The following RAPGEF3 variants were observed in gnomAD, a reference collection of about 807,000 sequenced individuals.
The protein encoded by RAPGEF3 is Rap guanine nucleotide exchange factor 3, also known as 9330170P05Rik.
In RAPGEF3, 103 loss-of-function variants were observed where a neutral mutation model predicts 129.8. That is an observed-to-expected ratio of 0.79 (90% CI 0.68 to 0.93). The LOEUF (loss-of-function observed/expected upper bound fraction) is 0.93, where lower values mean the gene tolerates loss of function less well. RAPGEF3 is among the 40% of genes least tolerant of loss of function. RAPGEF3 has a pLI of 0.00. For missense variants in RAPGEF3, 1,117 were observed against 1,207.4 expected (o/e 0.93, Z 1.11); for synonymous variants, 436 against 482.6 (o/e 0.90, Z 1.26).
chr12:47,748,078 G>C lies in RAPGEF3; in HGVS notation c.1318C>G (p.His440Asp). 6.3e-7 allele frequency: 1 copy of C among 1,581,998 alleles called. No individual in the cohort carries two copies. The highest frequency in any genetic ancestry group is 1.3e-5 in the African/African-American group (1 of 74,472). The change falls in exon 13 of 28, where the codon CAC becomes GAC. Residue 440 changes from histidine (H) to aspartate (D), a missense_variant. Around this residue, in one of 3 missense-constraint regions of RAPGEF3, gnomAD observed 643 missense variants for 673.4 expected, o/e 0.95. Coordinates refer to ENST00000449771, the MANE Select transcript of RAPGEF3 (RefSeq NM_001098531.4). ...CCCCTGGAGCTGGAAGGATATTGGT[G>C]CAGAAGGGCAGCGCAGAGTTGGGCG... Reference protein sequence around the residue: ...PSAQLCAALLHHFHVEPAGGS... With the variant: ...PSAQLCAALLDHFHVEPAGGS...
rs2016123 is a variant in RAPGEF3, at chr12:47,751,142, T to G, written c.577A>C (p.Arg193=). The G allele has an allele frequency of 2.6e-6, 4 of 1,567,224 alleles. No homozygotes were observed. Among genetic ancestry groups the G allele is most frequent in the Non-Finnish European group, 3.5e-6 (4 of 1,156,186 alleles). ...RFPGPEPEPV[R]THEMEEELAE... ...AACTCCTCCTCCATCTCATGAGTTC[T>G]CACGGGCTCGGGCTCGGGCCCGGGG... Residue 193 remains arginine, a synonymous_variant, in exon 6 of 28, where the codon AGA becomes CGA. Coordinates refer to ENST00000449771, the MANE Select transcript of RAPGEF3 (RefSeq NM_001098531.4).
chr12:47,748,354 C>T, intron 12 of RAPGEF3, 100 bp downstream of exon 12: 1 of 1,186,902 alleles, frequency 8.4e-7, no homozygotes, highest in Admixed American at 2.0e-5. Context: ...CAGACCAATC[C>T]AGCATTCGGT....
At position 47,738,105 on chromosome 12, in the gene RAPGEF3, G is replaced by T. The variant is rs778800156; in HGVS notation, c.2582-12C>A. 6.2e-7 allele frequency: 1 copy of T among 1,614,060 alleles called. No homozygotes were observed. Among genetic ancestry groups the T allele is most frequent in the Non-Finnish European group, 8.5e-7 (1 of 1,180,008 alleles). On this transcript the variant is annotated splice_polypyrimidine_tract_variant and intron_variant, in intron 26 of 27. Coordinates refer to ENST00000449771, the MANE Select transcript of RAPGEF3 (RefSeq NM_001098531.4). ...TGGTGAGAGAGGCACTGCGGGGGTG[G>T]GGAGGGGTCATGGAGTCAGGGCCAC...
At chr12:47,753,251 C>T (rs752631913) in intron 2 of RAPGEF3, among the ~76,000 whole-genome samples, 3 of 152,206 alleles carry the variant, frequency 2.0e-5, no homozygotes, top group Non-Finnish European at 2.9e-5. Flanking sequence ...GCGCATACTT[C>T]GGACAGCCAG....
chr12:47,758,117 G>T, intron 1 of RAPGEF3, 39 bp from the exon 2 acceptor site: 1 of 1,535,528 alleles, frequency 6.5e-7, no homozygotes, highest in Non-Finnish European at 8.8e-7. Flanking sequence ...CATGGGACAC[G>T]ACTGGGGCGG....
intron 23 of RAPGEF3, chr12:47,739,710 C>T (rs1236030644): frequency 3.3e-5 from 12 of 364,628 alleles, no homozygotes; most frequent in East Asian, 2.6e-4. Context: ...ACTCTATCCT[C>T]GCCTCTTCTA....
At position 47,746,799 on chromosome 12, in the gene RAPGEF3, G is replaced by T. The variant is rs80273501; in HGVS notation, c.1596+61C>A. ...CCACAGAGCCCCTCAGGGTCAGGGG[G>T]CGAAGGAGGGGCCTGCAGTCCAGGA... On this transcript the variant is annotated intron_variant, in intron 16 of 27. Transcript: ENST00000449771. The T allele has an allele frequency of 1.3e-3, 1,929 of 1,512,238 alleles. 17 individuals carry two copies. The African/African-American group carries it at 0.024, about 19-fold the overall frequency. The allele number at this position is 1,512,238 out of a possible 1,614,324, so 93.7% of individuals were successfully genotyped here. A position where few individuals can be genotyped will look rare whatever the true frequency, so the allele number is the denominator to read the frequency against.
Position 47,749,439 on chromosome 12 carries a change from T to C in RAPGEF3, c.992A>G (p.Asn331Ser), listed in dbSNP as rs756792898. ...CTTGTCCACACGCAGGAAATGACAG[T>C]TGTCTTCTCGCAGGATGATGGTGGC... The part of the protein sequence containing the change: ...RAATIILRED[N>S]CHFLRVDKQD... The change falls in exon 10 of 28, where the codon AAC (asparagine) becomes AGC (serine). Residue 331 changes from asparagine (N) to serine (S), a missense_variant. By Grantham distance (46) the Asn-to-Ser change is conservative. Coordinates refer to ENST00000449771, the MANE Select transcript of RAPGEF3 (RefSeq NM_001098531.4). This position sits in a 1 kb window ranked among gnomAD's most constrained non-coding sequence, Gnocchi z 4.5. The C allele has an allele frequency of 7.0e-5, 113 of 1,613,388 alleles. No homozygotes were observed. The highest frequency in any genetic ancestry group is 8.6e-5 in the Non-Finnish European group (101 of 1,179,982).
intron 16 of RAPGEF3, chr12:47,744,319 G>T (rs1941315846): frequency 1.8e-6 from 1 of 549,662 alleles, no homozygotes; most frequent in African/African-American, 1.9e-5. Flanking sequence ...TTCTGCATCT[G>T]CCAGATAGGT....
intron 18 of RAPGEF3, 152 bp from the exon 19 acceptor site, chr12:47,741,754 T>C (rs1941182100): frequency 1.6e-6 from 1 of 645,098 alleles, no homozygotes; most frequent in South Asian, 1.8e-5. Flanking sequence ...AATACACAGG[T>C]GCATGTGCCC....
chr12:47,751,630 C>T (rs1036618672), intron 4 of RAPGEF3, 93 bp downstream of exon 4: 1 of 1,597,670 alleles, frequency 6.3e-7, no homozygotes, highest in Non-Finnish European at 8.6e-7. Flanking sequence ...CGTCCCTGTG[C>T]TAGAAGCAGG....
intron 16 of RAPGEF3, 37 bp from the exon 17 acceptor site, chr12:47,744,105 G>T: frequency 6.6e-7 from 1 of 1,506,486 alleles, no homozygotes; most frequent in South Asian, 1.2e-5. Flanking sequence ...AGGCTGGGAG[G>T]ACATGAGAGG....
chr12:47,741,766 C>A lies in RAPGEF3; in HGVS notation c.1826-164G>T, dbSNP rs949661750. On this transcript the variant is annotated intron_variant, in intron 18 of 27. Coordinates refer to ENST00000449771, the MANE Select transcript of RAPGEF3 (RefSeq NM_001098531.4). ...CAGAATACACAGGTGCATGTGCCCA[C>A]GCAGCCACGCAGCCCAGGGAAGCAC... 8 of 621,900 alleles carry A rather than the reference C, an allele frequency of 1.3e-5. No homozygotes were observed. The African/African-American group carries it at 1.5e-4, about 11-fold the overall frequency. The allele number at this position is 621,900 out of a possible 1,614,324, so 38.5% of individuals were successfully genotyped here. A position where few individuals can be genotyped will look rare whatever the true frequency, so the allele number is the denominator to read the frequency against.
intron 18 of RAPGEF3, chr12:47,741,949 C>A: frequency 3.4e-6 from 1 of 291,118 alleles, no homozygotes. Context: ...TAAATAGTAG[C>A]TATAAGTACA....
intron 16 of RAPGEF3, chr12:47,746,538 C>T (rs2136771202): frequency 1.5e-6 from 1 of 656,940 alleles, no homozygotes; most frequent in Non-Finnish European, 2.7e-6. Context: ...CCCCGTGGGC[C>T]TCAGGGGCCA....
At position 47,751,124 on chromosome 12, in the gene RAPGEF3, C is replaced by T; in HGVS notation, c.595G>A (p.Glu199Lys). Reference protein sequence around the residue: ...PEPVRTHEMEEELAEAVALLS... With the variant: ...PEPVRTHEMEKELAEAVALLS... ...AGGGCCACAGCTTCGGCCAACTCCT[C>T]CTCCATCTCATGAGTTCTCACGGGC... The change falls in exon 6 of 28, where the codon GAG becomes AAG. Residue 199 changes from glutamate (E) to lysine (K), a missense_variant. Glu to Lys is a moderately conservative substitution (Grantham distance 56). This residue lies in a region of RAPGEF3 where 367 missense variants were observed against 373.4 expected (regional missense o/e 0.98). Transcript: ENST00000449771. 1 of 1,577,872 alleles carries T rather than the reference C, an allele frequency of 6.3e-7. No homozygotes were observed. The highest frequency in any genetic ancestry group is 8.6e-7 in the Non-Finnish European group (1 of 1,162,304).
intron 18 of RAPGEF3, chr12:47,741,951 A>G (rs1408472932): frequency 3.4e-6 from 1 of 290,756 alleles, no homozygotes; most frequent in African/African-American, 2.1e-5. Flanking sequence ...AATAGTAGCT[A>G]TAAGTACATG....
intron 17 of RAPGEF3, 30 bp downstream of exon 17, chr12:47,743,957 G>A (rs750744962): frequency 3.4e-5 from 53 of 1,547,946 alleles, no homozygotes; most frequent in Non-Finnish European, 4.2e-5. Context: ...GCAGATGTCG[G>A]GCTGTGCCCA....
chr12:47,748,571 G>A, intron 11 of RAPGEF3, 29 bp from the exon 12 acceptor site: 2 of 1,543,496 alleles, frequency 1.3e-6, no homozygotes, highest in East Asian at 2.2e-5. Context: ...CTTTGGCACT[G>A]GTGCCACTAC....
Sources: allele counts gnomAD v4.1 joint callset (sites outside exome capture counted in the v4.1 genomes callset), GRCh38; gene constraint gnomAD v4.1.1; regional missense constraint gnomAD v4.1.1; non-coding constraint Gnocchi (gnomAD v3.1); transcripts MANE v1.5; gene names NCBI Gene and HGNC (gene_info 2026-07-23, HGNC 2026-07-21).